Variants in CORIN observed in about 807,000 individuals in gnomAD.
CORIN encodes corin, serine peptidase.
In CORIN, 117 loss-of-function variants were observed where a neutral mutation model predicts 125.3. The ratio of observed to expected loss-of-function variants is 0.93; its 90% CI spans 0.80 to 1.09. The LOEUF is 1.09. Ranked by LOEUF, CORIN falls within the 50% of genes least tolerant of loss-of-function variation. The pLI, the probability that CORIN is intolerant of heterozygous loss-of-function variation, is 0.00. For synonymous variants in CORIN, 450 were observed against 466.4 expected (o/e 0.96, Z 0.45); for missense variants, 1,253 against 1,306.7 (o/e 0.96, Z 0.63).
chr4:47,832,335 C>T lies in CORIN; in HGVS notation c.63+5552G>A, dbSNP rs116958318. Among the ~76,000 whole-genome samples the T allele has an allele frequency of 7.4e-4, 113 of 151,952 alleles. 1 individual carries two copies. In the East Asian group the frequency reaches 0.02, roughly 27 times the overall value. On this transcript the variant is annotated intron_variant, in intron 1 of 21. Transcript: ENST00000273857. Reference sequence around the variant, plus strand: ...AGGCCACGTAAGAGACCTCAACAAACGGAAGTGATTCTGCTATAGGAAACC... The same window carrying T: ...AGGCCACGTAAGAGACCTCAACAAATGGAAGTGATTCTGCTATAGGAAACC...
At chr4:47,771,271 T>C (rs1730015859) in intron 3 of CORIN, among the ~76,000 whole-genome samples, 1 of 152,114 alleles carries the variant, frequency 6.6e-6, no homozygotes, top group Non-Finnish European at 1.5e-5. Context: ...AAGGTCATTC[T>C]CTATTCTAGA....
intron 2 of CORIN, among the ~76,000 whole-genome samples, chr4:47,800,634 G>C (rs1364151713): frequency 1.3e-5 from 2 of 152,170 alleles, no homozygotes; most frequent in Non-Finnish European, 2.9e-5. Flanking sequence ...CTTAAGAAGA[G>C]AGTGGCAGAG....
intron 8 of CORIN, among the ~76,000 whole-genome samples, chr4:47,678,357 T>G (rs904601801): frequency 6.6e-6 from 1 of 152,240 alleles, no homozygotes; most frequent in Non-Finnish European, 1.5e-5. Context: ...CTGTGCTAAC[T>G]GCATTGTATA....
At chr4:47,774,691 A>G (rs1730211814) in intron 3 of CORIN, among the ~76,000 whole-genome samples, 1 of 152,284 alleles carries the variant, frequency 6.6e-6, no homozygotes, top group East Asian at 1.9e-4. Context: ...GTATTTTCTG[A>G]GTTCTTATCA....
At chr4:47,726,591 T>C (rs1302049728) in intron 5 of CORIN, among the ~76,000 whole-genome samples, 1 of 152,206 alleles carries the variant, frequency 6.6e-6, no homozygotes, top group East Asian at 1.9e-4. Context: ...TGTAGGATGA[T>C]AGAACTGTTC....
chr4:47,703,766 T>C (rs1479672837), intron 5 of CORIN, among the ~76,000 whole-genome samples: 2 of 152,216 alleles, frequency 1.3e-5, no homozygotes, highest in Non-Finnish European at 2.9e-5. Flanking sequence ...AAAACGCCTT[T>C]TGCTTAAAGG....
intron 3 of CORIN, among the ~76,000 whole-genome samples, chr4:47,771,911 C>T (rs1458413552): frequency 3.3e-5 from 5 of 152,092 alleles, no homozygotes; most frequent in Non-Finnish European, 1.5e-5. Context: ...TGCAATGCCA[C>T]GTAAATTATC....
chr4:47,777,732 T>G (rs777793195), intron 3 of CORIN, among the ~76,000 whole-genome samples: 3 of 152,226 alleles, frequency 2.0e-5, no homozygotes, highest in African/African-American at 4.8e-5. Flanking sequence ...AGAAGTGGAT[T>G]GCGTCAAATT....
At chr4:47,804,050 G>C (rs1216974946) in intron 2 of CORIN, among the ~76,000 whole-genome samples, 1 of 152,136 alleles carries the variant, frequency 6.6e-6, no homozygotes, top group East Asian at 1.9e-4. Flanking sequence ...CAAAAGATTT[G>C]AATAGACATT....
chr4:47,611,427 T>C (rs1310201462), intron 19 of CORIN, among the ~76,000 whole-genome samples: 1 of 152,206 alleles, frequency 6.6e-6, no homozygotes, highest in Non-Finnish European at 1.5e-5. Flanking sequence ...TGCTAGCAAT[T>C]TTTGCACATT....
intron 5 of CORIN, among the ~76,000 whole-genome samples, chr4:47,728,858 C>T (rs1015911234): frequency 6.6e-6 from 1 of 152,256 alleles, no homozygotes; most frequent in Non-Finnish European, 1.5e-5. Flanking sequence ...GAGCTATCAA[C>T]CTGTAAGCCA....
intron 8 of CORIN, among the ~76,000 whole-genome samples, chr4:47,679,236 G>T (rs1441061322): frequency 6.6e-6 from 1 of 152,132 alleles, no homozygotes; most frequent in Non-Finnish European, 1.5e-5. Flanking sequence ...AATGGGTATA[G>T]TATATTTTCC....
At position 47,595,619 on chromosome 4, in the gene CORIN, A is replaced by T. The variant is rs572239466; in HGVS notation, c.*102T>A. ...AGTGCACGATTGAGCATTTCTGTCC[A>T]TGAAAAGTGCTTCTGTACAGCTCTC... On this transcript the variant is annotated 3_prime_UTR_variant, in exon 22 of 22. Coordinates refer to ENST00000273857, the MANE Select transcript of CORIN (RefSeq NM_006587.4). The T allele has an allele frequency of 7.4e-6, 6 of 806,970 alleles. No homozygotes were observed. Among genetic ancestry groups the T allele is most frequent in the Non-Finnish European group, 1.1e-5 (6 of 538,262 alleles). The allele number at this position is 806,970 out of a possible 1,614,324, so 50.0% of individuals were successfully genotyped here. A position where few individuals can be genotyped will look rare whatever the true frequency, so the allele number is the denominator to read the frequency against.
In CORIN at chr4:47,644,981, T is replaced by C. The variant is rs567408469; in HGVS notation, c.1957+100A>G. The stretch of plus-strand genomic sequence containing the variant: ...AAAAGATGTGAAAATACTAAAAGAT[T>C]TGTATGCATATTTACACACTTTTAG... On this transcript the variant is annotated intron_variant, in intron 14 of 21. Transcript: ENST00000273857. 2.1e-5 allele frequency: 13 copies of C among 633,110 alleles called. No homozygotes were observed. The Admixed American group carries it at 3.1e-4, about 15-fold the overall frequency. 39.2% of individuals were successfully genotyped at this position (633,110 alleles called of 1,614,324 possible). A position where few individuals can be genotyped will look rare whatever the true frequency, so the allele number is the denominator to read the frequency against.
chr4:47,668,363 C>T (rs538477498), intron 10 of CORIN, among the ~76,000 whole-genome samples: 67 of 152,340 alleles, frequency 4.4e-4, no homozygotes, highest in African/African-American at 1.6e-3. Flanking sequence ...CATGCCTTTC[C>T]CCGCTCACAT....
chr4:47,676,803 G>A (rs1016287144), intron 9 of CORIN, among the ~76,000 whole-genome samples: 6 of 152,130 alleles, frequency 3.9e-5, no homozygotes, highest in Non-Finnish European at 7.4e-5. Flanking sequence ...TTATTTCAGA[G>A]TTGAATTATA....
intron 19 of CORIN, among the ~76,000 whole-genome samples, chr4:47,623,092 C>CTATA (rs34165105): frequency 1.8e-4 from 20 of 111,128 alleles, no homozygotes; most frequent in Non-Finnish European, 2.3e-4. Context: ...CTCTCTCTCT[C>CTATA]TCTCTATATA....
intron 19 of CORIN, among the ~76,000 whole-genome samples, chr4:47,614,405 T>G (rs73238613): frequency 0.27 from 40,936 of 151,984 alleles, 5,659 homozygotes; most frequent in Admixed American, 0.35. Flanking sequence ...CCATATTTTA[T>G]CCAGGCTGGT....
At chr4:47,833,488 A>G (rs1733173640) in intron 1 of CORIN, among the ~76,000 whole-genome samples, 1 of 149,032 alleles carries the variant, frequency 6.7e-6, no homozygotes, top group African/African-American at 2.5e-5. Context: ...GATCTCGGCG[A>G]TAATTTCTTG....
Sources: gnomAD v4.1 joint callset for allele counts (sites outside exome capture counted in the v4.1 genomes callset) on GRCh38, gnomAD v4.1.1 for gene constraint, MANE v1.5 for transcripts, NCBI Gene and HGNC (gene_info 2026-07-23, HGNC 2026-07-21) for gene names.